The following FGD4 variants were observed in gnomAD, a reference collection of about 807,000 sequenced individuals.
FGD4 encodes the protein FYVE, RhoGEF and PH domain-containing protein 4.
A neutral mutation model predicts 102.0 loss-of-function variants in FGD4; 42 were observed. The observed-to-expected ratio is 0.41, with a 90% confidence interval of 0.32 to 0.53. The LOEUF is 0.53. Among genes scored for constraint, FGD4 ranks in the 20% least tolerant of loss-of-function variants. The probability of loss-of-function intolerance (pLI) is 0.21; values close to 1 mark genes in which losing one functional copy is unlikely to be tolerated. For missense variants in FGD4, 902 were observed against 1,078.2 expected (o/e 0.84, Z 2.29); for synonymous variants, 380 against 375.7 (o/e 1.01, Z -0.13).
At chr12:32,554,295 G>A (rs947930726) in intron 1 of FGD4, among the ~76,000 whole-genome samples, 7 of 151,860 alleles carry the variant, frequency 4.6e-5, no homozygotes, top group African/African-American at 1.7e-4. Context: ...TGAGGATTTT[G>A]GTAGAATAAC....
intron 1 of FGD4, among the ~76,000 whole-genome samples, chr12:32,470,457 CT>C (rs1943385323): frequency 6.9e-6 from 1 of 144,574 alleles, no homozygotes; most frequent in African/African-American, 2.5e-5. Flanking sequence ...TTTCTTTTTT[CT>C]TTTTCTTTTT....
chr12:32,590,968 A>C (rs947328240), intron 4 of FGD4, among the ~76,000 whole-genome samples: 1 of 152,230 alleles, frequency 6.6e-6, no homozygotes, highest in Non-Finnish European at 1.5e-5. Flanking sequence ...TTTTAATTTA[A>C]CAGCCTGCAG....
rs144687580 is a variant in FGD4, at chr12:32,441,460, C to G, written c.166+41501C>G. Among the ~76,000 whole-genome samples the G allele has an allele frequency of 1.7e-3, 252 of 152,158 alleles. 1 individual carries two copies. Among genetic ancestry groups the G allele is most frequent in the African/African-American group, 5.8e-3 (241 of 41,516 alleles). On this transcript the variant is annotated intron_variant, in intron 1 of 16. Transcript: ENST00000534526. Reference sequence around the variant, plus strand: ...GTAATCTGGGAACTAGGGCCTGGAACAGGGGCCTCTTGACTCTGGACTGGT... The same window carrying G: ...GTAATCTGGGAACTAGGGCCTGGAAGAGGGGCCTCTTGACTCTGGACTGGT...
chr12:32,636,129 A>G (rs1348205584), intron 15 of FGD4, among the ~76,000 whole-genome samples: 2 of 152,096 alleles, frequency 1.3e-5, no homozygotes, highest in African/African-American at 4.8e-5. Flanking sequence ...CCTATCATCA[A>G]ATTAATTGTA....
In FGD4 at chr12:32,566,422, T is replaced by A. The variant is rs374327604; in HGVS notation, c.319+2133T>A. Among the ~76,000 whole-genome samples the A allele has an allele frequency of 3.9e-5, 6 of 152,254 alleles. 2 individuals carry two copies. The highest frequency in any genetic ancestry group is 1.4e-4 in the African/African-American group (6 of 41,548). On this transcript the variant is annotated intron_variant, in intron 2 of 16. Coordinates refer to ENST00000534526, the MANE Select transcript of FGD4 (RefSeq NM_001370298.3). Reference sequence around the variant, plus strand: ...CCGTATGAACTTTATTTTTTCTCATTCATTACAACCTGACCTGCTGTATGT... The same window carrying A: ...CCGTATGAACTTTATTTTTTCTCATACATTACAACCTGACCTGCTGTATGT...
intron 1 of FGD4, among the ~76,000 whole-genome samples, chr12:32,504,872 A>T (rs1275254195): frequency 6.6e-6 from 1 of 152,228 alleles, no homozygotes; most frequent in African/African-American, 2.4e-5. Flanking sequence ...GTTGCCTGAC[A>T]TAACAAATTC....
chr12:32,579,364 G>A (rs1946411932), intron 3 of FGD4, among the ~76,000 whole-genome samples: 1 of 151,970 alleles, frequency 6.6e-6, no homozygotes, highest in African/African-American at 2.4e-5. Context: ...TTTTTCCCAT[G>A]GACACTCCAA....
chr12:32,560,531 C>T (rs1164817861), intron 1 of FGD4, among the ~76,000 whole-genome samples: 1 of 152,154 alleles, frequency 6.6e-6, no homozygotes, highest in East Asian at 1.9e-4. Context: ...GTTGAGATTA[C>T]GTGAGCCACT....
At chr12:32,446,535 C>T (rs1399709715) in intron 1 of FGD4, among the ~76,000 whole-genome samples, 1 of 152,088 alleles carries the variant, frequency 6.6e-6, no homozygotes, top group Non-Finnish European at 1.5e-5. Flanking sequence ...TTCCTTTCCT[C>T]CGGGTATAGG....
intron 1 of FGD4, among the ~76,000 whole-genome samples, chr12:32,493,568 G>A (rs1423606131): frequency 2.6e-5 from 4 of 152,210 alleles, no homozygotes; most frequent in Admixed American, 2.6e-4. Flanking sequence ...CCAGGTGCAC[G>A]GTTACTTCCT....
At chr12:32,490,465 C>T (rs942613574) in intron 1 of FGD4, among the ~76,000 whole-genome samples, 4 of 146,160 alleles carry the variant, frequency 2.7e-5, no homozygotes, top group South Asian at 2.2e-4. Flanking sequence ...GCTTGGATCT[C>T]GGCTCACTGC....
intron 2 of FGD4, among the ~76,000 whole-genome samples, chr12:32,574,482 A>G (rs1378234116): frequency 6.6e-6 from 1 of 152,138 alleles, no homozygotes; most frequent in African/African-American, 2.4e-5. Context: ...TTTTTTCTGT[A>G]AAATTAACAA....
intron 1 of FGD4, among the ~76,000 whole-genome samples, chr12:32,543,547 C>A (rs1279444688): frequency 6.6e-6 from 1 of 152,174 alleles, no homozygotes; most frequent in Non-Finnish European, 1.5e-5. Context: ...AGGCTTCTAC[C>A]ACCCAGGAAG....
At chr12:32,490,228 T>A (rs1035302560) in intron 1 of FGD4, among the ~76,000 whole-genome samples, 10 of 152,192 alleles carry the variant, frequency 6.6e-5, no homozygotes, top group African/African-American at 1.9e-4. Flanking sequence ...TTCTACAGTT[T>A]TGACTAAAAA....
intron 8 of FGD4, among the ~76,000 whole-genome samples, chr12:32,609,033 T>C (rs916158323): frequency 6.6e-6 from 1 of 152,088 alleles, no homozygotes; most frequent in African/African-American, 2.4e-5. Flanking sequence ...TCAGCTAATT[T>C]TTGTGATTTT....
chr12:32,433,932 T>C (rs1039442151), intron 1 of FGD4, among the ~76,000 whole-genome samples: 5 of 152,014 alleles, frequency 3.3e-5, no homozygotes, highest in Admixed American at 3.3e-4. Flanking sequence ...CTTGGCTCAC[T>C]GCGACCTCCG....
chr12:32,418,413 T>C (rs1210425559), intron 1 of FGD4, among the ~76,000 whole-genome samples: 1 of 152,004 alleles, frequency 6.6e-6, no homozygotes, highest in Non-Finnish European at 1.5e-5. Context: ...TTTCAGGTAT[T>C]TGAGGGGATG....
At chr12:32,400,485 A>G (rs916365210) in intron 1 of FGD4, among the ~76,000 whole-genome samples, 2 of 152,160 alleles carry the variant, frequency 1.3e-5, no homozygotes, top group Non-Finnish European at 1.5e-5. Flanking sequence ...AACATCAGAA[A>G]ACGGAATCAT....
chr12:32,539,545 G>A (rs1464549904), intron 1 of FGD4, among the ~76,000 whole-genome samples: 2 of 151,202 alleles, frequency 1.3e-5, no homozygotes, highest in Non-Finnish European at 2.9e-5. Context: ...CTCCAGCCTG[G>A]GCAACAAGAG....
Sources: allele counts gnomAD v4.1 joint callset (sites outside exome capture counted in the v4.1 genomes callset), GRCh38; gene constraint gnomAD v4.1.1; transcripts MANE v1.5; gene names NCBI Gene and HGNC (gene_info 2026-07-23, HGNC 2026-07-21).